The following DLG1 variants were observed in gnomAD, a reference collection of about 807,000 sequenced individuals.
DLG1 encodes the protein discs large MAGUK scaffold protein 1.
DLG1 carries 42 observed loss-of-function variants against 123.4 expected under a neutral mutation model. That is an observed-to-expected ratio of 0.34 (90% CI 0.27 to 0.44). The LOEUF (loss-of-function observed/expected upper bound fraction) is 0.44. Among genes scored for constraint, DLG1 ranks in the 20% least tolerant of loss-of-function variants. The pLI is 1.00. For synonymous variants in DLG1, 317 were observed against 356.2 expected (o/e 0.89, Z 1.24); for missense variants, 942 against 1,082.6 (o/e 0.87, Z 1.82).
At chr3:197,114,835 C>T (rs771142614) in intron 13 of DLG1, among the ~76,000 whole-genome samples, 3 of 151,834 alleles carry the variant, frequency 2.0e-5, no homozygotes, top group Non-Finnish European at 4.4e-5. Context: ...AAAAAATTAG[C>T]CAGGCGTGGT....
chr3:197,053,637 T>C (rs574472554), intron 23 of DLG1, among the ~76,000 whole-genome samples: 1 of 151,930 alleles, frequency 6.6e-6, no homozygotes, highest in South Asian at 2.1e-4. Flanking sequence ...CAGGGCACAG[T>C]GGTGAGTCCC....
intron 5 of DLG1, among the ~76,000 whole-genome samples, chr3:197,159,341 T>C (rs1797845331): frequency 6.6e-6 from 1 of 152,206 alleles, no homozygotes; most frequent in Admixed American, 6.5e-5. Flanking sequence ...GACTATATAC[T>C]TTTTAAAAAG....
intron 16 of DLG1, among the ~76,000 whole-genome samples, chr3:197,085,143 A>G (rs1001909729): frequency 1.5e-4 from 22 of 151,354 alleles, no homozygotes; most frequent in Non-Finnish European, 2.8e-4. Context: ...TATATTATAT[A>G]TATACATACT....
chr3:197,279,083 C>A (rs1343954880), intron 4 of DLG1, among the ~76,000 whole-genome samples: 1 of 152,046 alleles, frequency 6.6e-6, no homozygotes, highest in African/African-American at 2.4e-5. Context: ...CCTTTTTAGT[C>A]CTAAACATCA....
intron 14 of DLG1, among the ~76,000 whole-genome samples, chr3:197,094,224 C>A (rs1345355127): frequency 6.6e-6 from 1 of 152,204 alleles, no homozygotes; most frequent in Non-Finnish European, 1.5e-5. Flanking sequence ...AAACAAGAAC[C>A]ATCTGGCCAG....
intron 5 of DLG1, among the ~76,000 whole-genome samples, chr3:197,180,921 C>G (rs1207835225): frequency 6.6e-6 from 1 of 152,158 alleles, no homozygotes; most frequent in African/African-American, 2.4e-5. Flanking sequence ...ATTCTATAAG[C>G]ATTTATTAAC....
At chr3:197,162,373 C>T (rs1261903866) in intron 5 of DLG1, among the ~76,000 whole-genome samples, 1 of 152,048 alleles carries the variant, frequency 6.6e-6, no homozygotes, top group African/African-American at 2.4e-5. Context: ...AAGGATGAAA[C>T]TGGAACACAG....
At chr3:197,094,613 G>C (rs948121508) in intron 14 of DLG1, among the ~76,000 whole-genome samples, 1 of 152,112 alleles carries the variant, frequency 6.6e-6, no homozygotes, top group African/African-American at 2.4e-5. Flanking sequence ...GCTTTTTCAT[G>C]TTATATACTC....
chr3:197,145,730 G>A (rs1577048458), intron 6 of DLG1, among the ~76,000 whole-genome samples: 1 of 152,000 alleles, frequency 6.6e-6, no homozygotes, highest in South Asian at 2.1e-4. Flanking sequence ...TTAATTTAAT[G>A]CCAATTCATG....
chr3:197,140,347 G>T, intron 7 of DLG1, 83 bp from the exon 8 acceptor site: 1 of 1,381,244 alleles, frequency 7.2e-7, no homozygotes, highest in Non-Finnish European at 1.0e-6. Context: ...CGCAGAAACT[G>T]TACTAACATA....
intron 14 of DLG1, among the ~76,000 whole-genome samples, chr3:197,091,380 T>C (rs1420445508): frequency 6.6e-6 from 1 of 151,966 alleles, no homozygotes; most frequent in Non-Finnish European, 1.5e-5. Flanking sequence ...CTAATTTTTA[T>C]ATTAAGGAAG....
chr3:197,233,022 AACTG>A (rs1744069634), intron 4 of DLG1, among the ~76,000 whole-genome samples: 1 of 152,214 alleles, frequency 6.6e-6, no homozygotes, highest in Middle Eastern at 3.2e-3. Context: ...TAAAAAGCAT[AACTG>A]ACTGGAAAGG....
intron 5 of DLG1, among the ~76,000 whole-genome samples, chr3:197,161,078 T>C (rs1399062426): frequency 6.6e-6 from 1 of 152,174 alleles, no homozygotes; most frequent in Non-Finnish European, 1.5e-5. Context: ...TACACATAAT[T>C]TTTTAAAAGT....
intron 5 of DLG1, among the ~76,000 whole-genome samples, chr3:197,170,451 C>T (rs997106576): frequency 4.6e-5 from 7 of 152,036 alleles, no homozygotes; most frequent in Non-Finnish European, 7.4e-5. Context: ...AGTAGCCATT[C>T]TGAATGGTGT....
intron 4 of DLG1, among the ~76,000 whole-genome samples, chr3:197,257,349 T>C (rs939574586): frequency 2.6e-5 from 4 of 152,138 alleles, no homozygotes; most frequent in African/African-American, 9.7e-5. Context: ...TCAGTTATGT[T>C]AAAACAAATT....
intron 2 of DLG1, 24 bp downstream of exon 2, chr3:197,297,162 C>CG: frequency 6.2e-7 from 1 of 1,613,726 alleles, no homozygotes. Context: ...ACATCGACAA[C>CG]AGAGTTACGG....
Position 197,104,985 on chromosome 3 carries a change from T to C in DLG1, c.1464A>G (p.Arg488=), listed in dbSNP as rs1765574084. The part of the protein sequence containing the change: ...RIISVNSVDL[R]AASHEQAAAA... The stretch of plus-strand genomic sequence containing the variant: ...CTGCTGCCTGCTCATGACTAGCAGC[T>C]CTGAGGTCAACACTGTTTACCTGTA... Residue 488 remains arginine (R), a synonymous_variant, in exon 14 of 25, where the codon AGA becomes AGG. Coordinates refer to ENST00000667157, the MANE Select transcript of DLG1 (RefSeq NM_001366207.1). The C allele has an allele frequency of 6.2e-7, 1 of 1,611,758 alleles. No individual in the cohort carries two copies. Among genetic ancestry groups the C allele is most frequent in the Non-Finnish European group, 8.5e-7 (1 of 1,178,908 alleles).
rs1560878504 is a variant in DLG1 at position 197,127,478 on chromosome 3, ATATATATATATATATAT to A, written c.1165+3032_1165+3048del. On this transcript the variant is annotated intron_variant, in intron 11 of 24. Transcript: ENST00000667157. ...AAAAAATATATATATATATATATATATATATATATATATATATAAAGTAAGAAACCTAAAAATACGTA... is the reference window on the plus strand; with the variant it reads ...AAAAAATATATATATATATATATATAAAAGTAAGAAACCTAAAAATACGTA... Among the ~76,000 whole-genome samples the A allele has an allele frequency of 2.9e-3, 343 of 116,680 alleles. 4 individuals are homozygous for A. The highest frequency in any genetic ancestry group is 4.9e-3 in the South Asian group (18 of 3,654). The allele number at this position is 116,680 out of a possible 152,430, so 76.5% of individuals were successfully genotyped here.
intron 4 of DLG1, among the ~76,000 whole-genome samples, chr3:197,276,043 CTA>C (rs1328335734): frequency 1.3e-5 from 2 of 152,148 alleles, no homozygotes; most frequent in African/African-American, 4.8e-5. Context: ...TGAAAGCAGA[CTA>C]TGTGTATATT....
Sources: gnomAD v4.1 joint callset for allele counts (sites outside exome capture counted in the v4.1 genomes callset) on GRCh38, gnomAD v4.1.1 for gene constraint, MANE v1.5 for transcripts, NCBI Gene and HGNC (gene_info 2026-07-23, HGNC 2026-07-21) for gene names.